ESRRG: variants seen among roughly 807,000 people sequenced by gnomAD.
ESRRG encodes the protein estrogen-related receptor gamma.
In ESRRG, 13 loss-of-function variants were observed where a neutral mutation model predicts 44.0. The observed-to-expected ratio is 0.30, with a 90% confidence interval of 0.19 to 0.47. The LOEUF (loss-of-function observed/expected upper bound fraction) is 0.47. Among genes scored for constraint, ESRRG ranks in the 20% least tolerant of loss-of-function variants. The probability of loss-of-function intolerance (pLI) is 1.00; values close to 1 mark genes in which losing one functional copy is unlikely to be tolerated. For missense variants in ESRRG, 395 were observed against 580.6 expected (o/e 0.68, Z 3.29); for synonymous variants, 215 against 214.6 (o/e 1.00, Z -0.02).
At chr1:217,014,788 A>C (rs528851033) in intron 1 of ESRRG, among the ~76,000 whole-genome samples, 2 of 152,184 alleles carry the variant, frequency 1.3e-5, no homozygotes, top group African/African-American at 4.8e-5. Context: ...AGTTGGGTTC[A>C]ATTATTTTTA....
In ESRRG at chr1:216,530,533, T is replaced by G. The variant is rs115734252; in HGVS notation, c.863-11112A>C. On this transcript the variant is annotated intron_variant, in intron 5 of 6. Coordinates refer to ENST00000408911, the MANE Select transcript of ESRRG (RefSeq NM_001438.4). ...CTTGTCAAAAAGATCTTTGTGTAAC[T>G]GTTTTCCCGTTTGTGAAGGCCTCAC... is the stretch of plus-strand genomic sequence containing the variant. 6.9e-3 allele frequency among the ~76,000 whole-genome samples: 1,054 copies of G among 152,234 alleles called. 6 individuals carry two copies. Among genetic ancestry groups the G allele is most frequent in the African/African-American group, 0.024 (995 of 41,536 alleles).
At chr1:216,711,478 A>G (rs1204312995) in intron 1 of ESRRG, among the ~76,000 whole-genome samples, 1 of 152,156 alleles carries the variant, frequency 6.6e-6, no homozygotes, top group East Asian at 1.9e-4. Flanking sequence ...AGGTGTTGGT[A>G]TCTTTTCCCC....
chr1:216,927,300 C>A (rs1224010315), intron 2 of ESRRG, among the ~76,000 whole-genome samples: 1 of 152,246 alleles, frequency 6.6e-6, no homozygotes, highest in South Asian at 2.1e-4. Flanking sequence ...TTAGAAGGGA[C>A]CTGCCTGCTA....
intron 1 of ESRRG, among the ~76,000 whole-genome samples, chr1:217,060,044 C>T (rs1368688437): frequency 6.6e-6 from 1 of 151,846 alleles, no homozygotes; most frequent in Non-Finnish European, 1.5e-5. Flanking sequence ...GGGTAAAGCA[C>T]ATGAAGGGGT....
At chr1:216,966,279 A>G (rs2818777) in intron 1 of ESRRG, among the ~76,000 whole-genome samples, 149,622 of 152,254 alleles carry the variant, frequency 0.98, 73,529 homozygotes, top group East Asian at 1. Context: ...ATAACGTGTC[A>G]ACAAAAGATT....
intron 1 of ESRRG, among the ~76,000 whole-genome samples, chr1:217,036,300 C>T (rs1012878379): frequency 1.3e-5 from 2 of 152,154 alleles, no homozygotes; most frequent in Admixed American, 1.3e-4. Flanking sequence ...ACCCAGCAAT[C>T]CCATTACTTG....
At chr1:216,605,671 G>T (rs2059837676) in intron 3 of ESRRG, among the ~76,000 whole-genome samples, 1 of 144,722 alleles carries the variant, frequency 6.9e-6, no homozygotes, top group Admixed American at 6.8e-5. Flanking sequence ...TGGAACTCGG[G>T]AAAGACATTT....
chr1:216,702,563 G>A (rs1420674688), intron 1 of ESRRG, among the ~76,000 whole-genome samples: 1 of 144,180 alleles, frequency 6.9e-6, no homozygotes, highest in Non-Finnish European at 1.5e-5. Context: ...AGGAGTTCGA[G>A]ACCAGCCTGG....
chr1:216,639,374 T>C (rs987333408), intron 3 of ESRRG, among the ~76,000 whole-genome samples: 7 of 152,128 alleles, frequency 4.6e-5, no homozygotes, highest in Non-Finnish European at 7.3e-5. Flanking sequence ...GGATATTAAT[T>C]GGACAATCCA....
intron 1 of ESRRG, among the ~76,000 whole-genome samples, chr1:217,087,574 A>G (rs887272129): frequency 6.6e-6 from 1 of 152,184 alleles, no homozygotes; most frequent in Non-Finnish European, 1.5e-5. Context: ...TTCCCGGTAA[A>G]GAAGACCAGC....
chr1:216,917,360 G>A (rs934183083), intron 2 of ESRRG, among the ~76,000 whole-genome samples: 3 of 151,992 alleles, frequency 2.0e-5, no homozygotes, highest in African/African-American at 7.2e-5. Context: ...GGTTCACTGT[G>A]AGCAACCAAT....
At chr1:216,834,190 T>A (rs920997845) in intron 2 of ESRRG, among the ~76,000 whole-genome samples, 2 of 152,132 alleles carry the variant, frequency 1.3e-5, no homozygotes, top group East Asian at 3.9e-4. Context: ...TCCTTGAGCC[T>A]AGGAGTTTGA....
intron 1 of ESRRG, among the ~76,000 whole-genome samples, chr1:216,944,904 A>G (rs1424498425): frequency 1.7e-4 from 26 of 152,148 alleles, no homozygotes; most frequent in Admixed American, 1.6e-3. Context: ...CCCAGCTTCC[A>G]GGGTAATTTG....
intron 2 of ESRRG, among the ~76,000 whole-genome samples, chr1:216,735,987 A>AAAAT (rs1453476198): frequency 6.6e-5 from 9 of 137,088 alleles, no homozygotes; most frequent in African/African-American, 1.9e-4. Flanking sequence ...CTCAAAAAAA[A>AAAAT]ATATATATAT....
chr1:216,800,854 G>T lies in ESRRG; in HGVS notation c.-13-123363C>A, dbSNP rs116701552. On this transcript the variant is annotated intron_variant, in intron 2 of 7. Transcript: ENST00000359162. ...ATAAAGTCCTGTGCTAAAGAAACAT[G>T]CATTCCGACCTTAGGATAAGGGTTT... Among the ~76,000 whole-genome samples, 1,324 of 152,232 alleles carry T rather than the reference G, an allele frequency of 8.7e-3. 26 individuals are homozygous for T. Among genetic ancestry groups the T allele is most frequent in the African/African-American group, 0.03 (1,253 of 41,542 alleles).
At chr1:216,843,117 A>C (rs2095679243) in intron 2 of ESRRG, among the ~76,000 whole-genome samples, 1 of 151,986 alleles carries the variant, frequency 6.6e-6, no homozygotes, top group Non-Finnish European at 1.5e-5. Context: ...AGCACTCATG[A>C]ATGGGAAATA....
At chr1:217,126,182 T>G (rs2092887234) in intron 1 of ESRRG, among the ~76,000 whole-genome samples, 1 of 152,118 alleles carries the variant, frequency 6.6e-6, no homozygotes, top group African/African-American at 2.4e-5. Flanking sequence ...TCTGTGGGAT[T>G]CAAAATATGT....
chr1:216,746,539 G>T (rs184847353), intron 2 of ESRRG, among the ~76,000 whole-genome samples: 2 of 152,022 alleles, frequency 1.3e-5, no homozygotes, highest in South Asian at 2.1e-4. Context: ...CTTAATTTTC[G>T]TAGTATTTTT....
At chr1:216,639,143 G>T (rs577540346) in intron 3 of ESRRG, among the ~76,000 whole-genome samples, 1 of 152,284 alleles carries the variant, frequency 6.6e-6, no homozygotes, top group South Asian at 2.1e-4. Flanking sequence ...TGGGAGGCAG[G>T]AGTAGGGAGG....
Sources: allele counts gnomAD v4.1 joint callset (sites outside exome capture counted in the v4.1 genomes callset), GRCh38; gene constraint gnomAD v4.1.1; transcripts MANE v1.5; gene names NCBI Gene and HGNC (gene_info 2026-07-23, HGNC 2026-07-21).